The following ZNF148 variants were observed in gnomAD, a reference collection of about 807,000 sequenced individuals.
ZNF148 encodes the protein zinc finger protein 148.
A neutral mutation model predicts 67.7 loss-of-function variants in ZNF148; 7 were observed. That is an observed-to-expected ratio of 0.10 (90% CI 0.06 to 0.19). The LOEUF (loss-of-function observed/expected upper bound fraction) is 0.19, where lower values mean the gene tolerates loss of function less well. ZNF148 is among the 10% of genes least tolerant of loss of function. The pLI is 1.00. For synonymous variants in ZNF148, 333 were observed against 330.7 expected (o/e 1.01, Z -0.08); for missense variants, 583 against 947.1 (o/e 0.62, Z 5.05).
intron 7 of ZNF148, among the ~76,000 whole-genome samples, chr3:125,256,946 T>A (rs943248577): frequency 5.3e-5 from 8 of 151,058 alleles, no homozygotes; most frequent in African/African-American, 2.0e-4. Context: ...AGTTATTATG[T>A]TTTCAGTTCC....
chr3:125,348,443 T>C (rs1410351603), intron 1 of ZNF148, among the ~76,000 whole-genome samples: 2 of 131,744 alleles, frequency 1.5e-5, no homozygotes, highest in East Asian at 4.4e-4. Flanking sequence ...ATAGCACCAC[T>C]GCACTCCAGC....
chr3:125,330,917 G>A (rs1941263235), intron 2 of ZNF148, among the ~76,000 whole-genome samples: 2 of 152,088 alleles, frequency 1.3e-5, no homozygotes, highest in African/African-American at 4.8e-5. Context: ...AATCTTAAGA[G>A]AAGATAATTG....
chr3:125,235,199 C>A (rs1936030746), intron 7 of ZNF148, among the ~76,000 whole-genome samples: 1 of 152,170 alleles, frequency 6.6e-6, no homozygotes, highest in Admixed American at 6.5e-5. Context: ...AATACTACTA[C>A]TATATCCAAA....
chr3:125,351,970 A>T (rs1215661018), intron 1 of ZNF148, among the ~76,000 whole-genome samples: 1 of 152,226 alleles, frequency 6.6e-6, no homozygotes, highest in African/African-American at 2.4e-5. Context: ...CTGCTTTGAA[A>T]CATAGTCTGG....
At chr3:125,241,309 CT>C (rs1936345790) in intron 7 of ZNF148, among the ~76,000 whole-genome samples, 1 of 146,280 alleles carries the variant, frequency 6.8e-6, no homozygotes, top group African/African-American at 2.6e-5. Context: ...TTTCTTTTTT[CT>C]TTCTTTCTTT....
At chr3:125,322,738 T>C (rs1256050125) in intron 3 of ZNF148, among the ~76,000 whole-genome samples, 1 of 152,224 alleles carries the variant, frequency 6.6e-6, no homozygotes, top group East Asian at 1.9e-4. Flanking sequence ...AATATATTTC[T>C]ACCTTTATAA....
intron 1 of ZNF148, among the ~76,000 whole-genome samples, chr3:125,343,770 G>A (rs1000133704): frequency 1.4e-4 from 21 of 151,966 alleles, no homozygotes; most frequent in African/African-American, 3.1e-4. Flanking sequence ...CCTTGCTACC[G>A]CTCACTCTTT....
intron 4 of ZNF148, among the ~76,000 whole-genome samples, chr3:125,296,398 C>A (rs536246878): frequency 3.3e-4 from 51 of 152,356 alleles, no homozygotes; most frequent in Non-Finnish European, 7.3e-4. Context: ...GCTGGGATTA[C>A]AGGCGTGAGC....
Position 125,232,270 on chromosome 3 carries a change from T to G in ZNF148, c.*71A>C. On this transcript the variant is annotated 3_prime_UTR_variant, in exon 9 of 9. Coordinates refer to ENST00000360647, the MANE Select transcript of ZNF148 (RefSeq NM_021964.3). This position sits in a 1 kb window ranked among gnomAD's most constrained non-coding sequence, Gnocchi z 4.2. The stretch of plus-strand genomic sequence containing the variant: ...TCTTAAATCTGTACAGCACTCCATT[T>G]ACACAGAGTAACCCCACTCTTGATT... The G allele has an allele frequency of 2.0e-6, 3 of 1,490,798 alleles. No homozygotes were observed. Among genetic ancestry groups the G allele is most frequent in the Non-Finnish European group, 2.7e-6 (3 of 1,118,794 alleles). 92.3% of individuals were successfully genotyped at this position (1,490,798 alleles called of 1,614,324 possible).
intron 4 of ZNF148, among the ~76,000 whole-genome samples, chr3:125,288,636 A>G (rs757094141): frequency 2.6e-5 from 4 of 152,190 alleles, no homozygotes; most frequent in Non-Finnish European, 5.9e-5. Context: ...TAAAAGAGGT[A>G]TTTAGACTTC....
intron 1 of ZNF148, among the ~76,000 whole-genome samples, chr3:125,335,256 A>G (rs891048743): frequency 1.3e-5 from 2 of 152,178 alleles, no homozygotes; most frequent in African/African-American, 2.4e-5. Context: ...TAAGAGACTC[A>G]GTATTTTTTT....
At chr3:125,347,569 A>ATTTTT (rs36070409) in intron 1 of ZNF148, among the ~76,000 whole-genome samples, 1 of 145,100 alleles carries the variant, frequency 6.9e-6, no homozygotes. Flanking sequence ...TTTATGTATT[A>ATTTTT]TTTTTTTTTT....
intron 2 of ZNF148, among the ~76,000 whole-genome samples, chr3:125,326,297 A>C (rs1273132039): frequency 6.6e-6 from 1 of 152,134 alleles, no homozygotes; most frequent in East Asian, 1.9e-4. Flanking sequence ...AAGACCTAAG[A>C]ATGTATAAAG....
At chr3:125,255,963 T>C (rs111341639) in intron 7 of ZNF148, among the ~76,000 whole-genome samples, 12 of 152,294 alleles carry the variant, frequency 7.9e-5, no homozygotes, top group African/African-American at 1.9e-4. Context: ...TTGGGATTAA[T>C]AGACATGGCT....
Position 125,288,108 on chromosome 3 carries a change from C to A in ZNF148, c.454G>T (p.Ala152Ser). 1 of 1,613,690 alleles carries A rather than the reference C, an allele frequency of 6.2e-7. No individual in the cohort carries two copies. ...ACCTTAATACATTGTCTTACTTTTG[C>A]GGGAGAACGTTGTTTCCGCTTCTTC... ...KKKKRKQRSP[A>S]KILTINEDGS... Residue 152 changes from alanine (A) to serine (S), a missense_variant, in exon 5 of 9, where the codon GCA becomes TCA. Around this residue, in one of 5 missense-constraint regions of ZNF148, gnomAD observed 150 missense variants for 202.5 expected, o/e 0.74. Transcript: ENST00000360647.
At chr3:125,287,667 G>T (rs1579710927) in intron 5 of ZNF148, among the ~76,000 whole-genome samples, 1 of 152,036 alleles carries the variant, frequency 6.6e-6, no homozygotes, top group African/African-American at 2.4e-5. Flanking sequence ...ATTTACTGAG[G>T]ATCTATTATG....
At chr3:125,317,686 T>TAC (rs1446347508) in intron 3 of ZNF148, among the ~76,000 whole-genome samples, 8 of 33,736 alleles carry the variant, frequency 2.4e-4, no homozygotes, top group African/African-American at 9.5e-4. Context: ...GAGAAATACA[T>TAC]ATACACACAC....
chr3:125,300,116 C>T (rs1387187207), intron 4 of ZNF148, among the ~76,000 whole-genome samples: 9 of 152,032 alleles, frequency 5.9e-5, no homozygotes, highest in African/African-American at 4.8e-5. Context: ...GGATTACAGG[C>T]GCCCACCACC....
chr3:125,249,845 C>T (rs999798392), intron 7 of ZNF148, among the ~76,000 whole-genome samples: 20 of 151,910 alleles, frequency 1.3e-4, no homozygotes, highest in Non-Finnish European at 2.9e-4. Context: ...TATTATTCAG[C>T]TTAAAAAAGG....
Sources: gnomAD v4.1 joint callset for allele counts (sites outside exome capture counted in the v4.1 genomes callset) on GRCh38, gnomAD v4.1.1 for gene constraint, gnomAD v4.1.1 regional missense constraint, Gnocchi (gnomAD v3.1) non-coding constraint, MANE v1.5 for transcripts, NCBI Gene and HGNC (gene_info 2026-07-23, HGNC 2026-07-21) for gene names.